PPP3CA: variants seen among roughly 807,000 people sequenced by gnomAD.
PPP3CA encodes protein phosphatase 3 catalytic subunit alpha.
PPP3CA carries 14 observed loss-of-function variants against 66.5 expected under a neutral mutation model. The ratio of observed to expected loss-of-function variants is 0.21; its 90% CI spans 0.14 to 0.33. The LOEUF (loss-of-function observed/expected upper bound fraction) is 0.33. Among genes scored for constraint, PPP3CA ranks in the 10% least tolerant of loss-of-function variants. PPP3CA has a pLI of 1.00. For synonymous variants in PPP3CA, 232 were observed against 226.2 expected (o/e 1.03, Z -0.23); for missense variants, 317 against 639.5 (o/e 0.50, Z 5.44).
chr4:101,028,711 C>T (rs1020573514), intron 13 of PPP3CA, among the ~76,000 whole-genome samples: 3 of 152,138 alleles, frequency 2.0e-5, no homozygotes, highest in African/African-American at 7.2e-5. Flanking sequence ...TGAACTACAA[C>T]AAAGCACTAT....
chr4:101,099,578 A>G (rs759618479), intron 4 of PPP3CA, 33 bp downstream of exon 4: 2 of 1,274,968 alleles, frequency 1.6e-6, no homozygotes, highest in Admixed American at 2.0e-5. Flanking sequence ...TAGCACATAT[A>G]GTGTTAAAGG....
intron 1 of PPP3CA, among the ~76,000 whole-genome samples, chr4:101,292,829 G>A (rs1030062496): frequency 6.6e-6 from 1 of 152,160 alleles, no homozygotes; most frequent in Non-Finnish European, 1.5e-5. Context: ...ATTCAAAAGG[G>A]AAGAAAGTGT....
chr4:101,269,553 CGTGTGTGTGTGTGTGTGTGTGTGTGTGT>C (rs55721209), intron 1 of PPP3CA, among the ~76,000 whole-genome samples: 1 of 135,980 alleles, frequency 7.4e-6, no homozygotes, highest in East Asian at 2.1e-4. Context: ...AAACAAGGAA[CGTGTGTGTGTGTGTGTGTGTGTGTGTGT>C]GTGTGTGTGT....
chr4:101,102,258 A>G lies in PPP3CA; in HGVS notation c.385-2536T>C, dbSNP rs547069376. Among the ~76,000 whole-genome samples, 7 of 149,082 alleles carry G rather than the reference A, an allele frequency of 4.7e-5. No individual in the cohort carries two copies. The East Asian group carries it at 1.3e-3, about 27-fold the overall frequency. On this transcript the variant is annotated intron_variant, in intron 3 of 13. Coordinates refer to ENST00000394854, the MANE Select transcript of PPP3CA (RefSeq NM_000944.5). Reference sequence around the variant, plus strand: ...AGGGAGGGAGGCAGAGAAAGGAAGGAAGGAAGGAAGGGAGGGAGGAAGGGA... The same window carrying G: ...AGGGAGGGAGGCAGAGAAAGGAAGGGAGGAAGGAAGGGAGGGAGGAAGGGA...
intron 10 of PPP3CA, among the ~76,000 whole-genome samples, chr4:101,058,206 T>C (rs73833206): frequency 0.046 from 7,034 of 152,216 alleles, 566 homozygotes; most frequent in African/African-American, 0.16. Flanking sequence ...TATAGACACA[T>C]AGGACTTTTA....
chr4:101,106,463 A>AGAAAGAAAGAAAGAAAGAAGAGAAG (rs1560605247), intron 3 of PPP3CA, among the ~76,000 whole-genome samples: 3 of 33,758 alleles, frequency 8.9e-5, no homozygotes, highest in Non-Finnish European at 5.8e-5. Flanking sequence ...GAGAAAAGAA[A>AGAAAGAAAGAAAGAAAGAAGAGAAG]AGAAAAGAAA....
intron 1 of PPP3CA, among the ~76,000 whole-genome samples, chr4:101,225,400 A>C (rs979082557): frequency 2.6e-5 from 4 of 151,842 alleles, no homozygotes; most frequent in Non-Finnish European, 5.9e-5. Flanking sequence ...TAAATGAATA[A>C]AGCCTAAAAA....
chr4:101,339,865 A>C (rs1455247488), intron 1 of PPP3CA, among the ~76,000 whole-genome samples: 1 of 152,204 alleles, frequency 6.6e-6, no homozygotes, highest in Non-Finnish European at 1.5e-5. Context: ...ACATACTAGA[A>C]TTTCCAAAAC....
At position 101,252,672 on chromosome 4, in the gene PPP3CA, C is replaced by T. The variant is rs562696827; in HGVS notation, c.59-56556G>A. ...CATCACATATAGGTCCAGGTATAAC[C>T]CTGCTTTATGGATACTTGAAAGTAT... On this transcript the variant is annotated intron_variant, in intron 1 of 13. Transcript: ENST00000394854. 1.6e-4 allele frequency among the ~76,000 whole-genome samples: 25 copies of T among 152,178 alleles called. No individual in the cohort carries two copies. In the South Asian group the frequency reaches 5.2e-3, roughly 32 times the overall value.
At chr4:101,340,454 T>A (rs938243768) in intron 1 of PPP3CA, among the ~76,000 whole-genome samples, 2 of 152,030 alleles carry the variant, frequency 1.3e-5, no homozygotes, top group African/African-American at 2.4e-5. Context: ...ACTACCCGAG[T>A]GCATATTTGT....
chr4:101,346,970 C>T lies in PPP3CA; in HGVS notation c.-174G>A. 5 of 696,520 alleles carry T rather than the reference C, an allele frequency of 7.2e-6. No homozygotes were observed. Among genetic ancestry groups the T allele is most frequent in the Non-Finnish European group, 1.2e-5 (5 of 422,188 alleles). 43.1% of individuals were successfully genotyped at this position (696,520 alleles called of 1,614,324 possible). ...CTTTAAAGTTGCTGCCTTTTCCGCG[C>T]GTCCCTCCTCCGCCGCCGCCGCCTT... On this transcript the variant is annotated 5_prime_UTR_variant, in exon 1 of 14. Transcript: ENST00000394854.
chr4:101,334,659 A>G (rs1729568613), intron 1 of PPP3CA, among the ~76,000 whole-genome samples: 1 of 152,220 alleles, frequency 6.6e-6, no homozygotes, highest in African/African-American at 2.4e-5. Flanking sequence ...AATTTCAGGT[A>G]TGGTAGTCTC....
intron 1 of PPP3CA, among the ~76,000 whole-genome samples, chr4:101,275,965 GT>G (rs1231569197): frequency 6.6e-6 from 1 of 151,266 alleles, no homozygotes; most frequent in Non-Finnish European, 1.5e-5. Flanking sequence ...GGAAATCATA[GT>G]TCACTGCAGC....
At chr4:101,239,395 C>A (rs1215708547) in intron 1 of PPP3CA, among the ~76,000 whole-genome samples, 1 of 152,040 alleles carries the variant, frequency 6.6e-6, no homozygotes, top group Non-Finnish European at 1.5e-5. Context: ...TGAAAGCAAA[C>A]AAACATGCCA....
chr4:101,123,615 G>A (rs1353886455), intron 2 of PPP3CA, among the ~76,000 whole-genome samples: 1 of 152,132 alleles, frequency 6.6e-6, no homozygotes, highest in African/African-American at 2.4e-5. Context: ...CAGATCGCTT[G>A]AGCCTATGAA....
At chr4:101,333,096 CTTCT>C (rs200236832) in intron 1 of PPP3CA, among the ~76,000 whole-genome samples, 6 of 130,914 alleles carry the variant, frequency 4.6e-5, no homozygotes, top group African/African-American at 1.8e-4. Context: ...ATAATGCCAT[CTTCT>C]TTCTTTTTTT....
intron 2 of PPP3CA, among the ~76,000 whole-genome samples, chr4:101,114,395 T>A (rs1022288010): frequency 9.9e-5 from 15 of 152,202 alleles, no homozygotes; most frequent in Middle Eastern, 3.4e-3. Flanking sequence ...ATTTTCCCTG[T>A]GAGAAATAAC....
intron 2 of PPP3CA, among the ~76,000 whole-genome samples, chr4:101,150,485 C>T (rs1022483701): frequency 3.3e-5 from 5 of 152,130 alleles, no homozygotes; most frequent in South Asian, 2.1e-4. Context: ...ATCCTATTTG[C>T]CTCACTTTGC....
chr4:101,218,884 T>A (rs1725534488), intron 1 of PPP3CA, among the ~76,000 whole-genome samples: 1 of 152,080 alleles, frequency 6.6e-6, no homozygotes, highest in African/African-American at 2.4e-5. Context: ...AATACAAGAA[T>A]ATTCTCTACC....
Sources: allele counts gnomAD v4.1 joint callset (sites outside exome capture counted in the v4.1 genomes callset), GRCh38; gene constraint gnomAD v4.1.1; transcripts MANE v1.5; gene names NCBI Gene and HGNC (gene_info 2026-07-23, HGNC 2026-07-21).